The following LRRC4C variants were observed in gnomAD, a reference collection of about 807,000 sequenced individuals.
LRRC4C encodes the protein leucine-rich repeat-containing protein 4C.
LRRC4C carries 5 observed loss-of-function variants against 33.6 expected under a neutral mutation model. The observed-to-expected ratio is 0.15, with a 90% CI of 0.08 to 0.31. LRRC4C has a LOEUF of 0.31. Ranked by LOEUF, LRRC4C falls within the 10% of genes least tolerant of loss-of-function variation. The pLI is 1.00. For synonymous variants in LRRC4C, 329 were observed against 302.0 expected (o/e 1.09, Z -0.93); for missense variants, 560 against 796.7 (o/e 0.70, Z 3.58).
chr11:40,827,317 C>T (rs1360747931), intron 2 of LRRC4C, among the ~76,000 whole-genome samples: 1 of 151,826 alleles, frequency 6.6e-6, no homozygotes, highest in East Asian at 1.9e-4. Context: ...CAAAGACTGT[C>T]GCTGCCAAAG....
At chr11:40,281,033 T>A (rs1943437718) in intron 4 of LRRC4C, among the ~76,000 whole-genome samples, 1 of 152,054 alleles carries the variant, frequency 6.6e-6, no homozygotes, top group African/African-American at 2.4e-5. Flanking sequence ...TGGGGAGGAC[T>A]AAGGATGAAG....
chr11:40,638,095 T>C (rs1300193001), intron 3 of LRRC4C, among the ~76,000 whole-genome samples: 1 of 152,202 alleles, frequency 6.6e-6, no homozygotes, highest in Non-Finnish European at 1.5e-5. Flanking sequence ...TGCAATGCAC[T>C]CCCATGCAAG....
chr11:40,742,725 C>T (rs1045034040), intron 2 of LRRC4C, among the ~76,000 whole-genome samples: 5 of 151,924 alleles, frequency 3.3e-5, no homozygotes, highest in African/African-American at 1.2e-4. Context: ...CTGTCATTTT[C>T]TGTTCTACTT....
chr11:40,420,240 TCAC>T (rs1336770212), intron 3 of LRRC4C, among the ~76,000 whole-genome samples: 1 of 152,166 alleles, frequency 6.6e-6, no homozygotes, highest in Non-Finnish European at 1.5e-5. Flanking sequence ...CTGAAATCGA[TCAC>T]CACAATTGTA....
chr11:40,273,040 A>G (rs1590877616), intron 4 of LRRC4C, among the ~76,000 whole-genome samples: 1 of 152,256 alleles, frequency 6.6e-6, no homozygotes, highest in East Asian at 1.9e-4. Context: ...TTTGCAAAAT[A>G]AAAGTTTACT....
intron 1 of LRRC4C, among the ~76,000 whole-genome samples, chr11:41,301,611 G>A (rs1285695077): frequency 6.6e-6 from 1 of 152,140 alleles, no homozygotes; most frequent in Admixed American, 6.6e-5. Flanking sequence ...AGAAAGGCAT[G>A]TCTCTGGAAC....
chr11:40,685,553 A>C (rs2136359796), intron 2 of LRRC4C, among the ~76,000 whole-genome samples: 1 of 152,110 alleles, frequency 6.6e-6, no homozygotes, highest in Admixed American at 6.6e-5. Flanking sequence ...TAAAACACAC[A>C]GAATAATAAT....
intron 5 of LRRC4C, among the ~76,000 whole-genome samples, chr11:40,147,035 GT>G (rs1179041911): frequency 1.3e-5 from 2 of 152,118 alleles, no homozygotes; most frequent in African/African-American, 4.8e-5. Context: ...CTAGAAAATG[GT>G]TATGTCTAGA....
intron 1 of LRRC4C, among the ~76,000 whole-genome samples, chr11:40,984,410 A>T (rs1010630090): frequency 1.5e-4 from 13 of 85,166 alleles, no homozygotes; most frequent in Non-Finnish European, 3.3e-4. Flanking sequence ...AAAGAAAGAA[A>T]GAAAGAGAAA....
chr11:40,133,113 G>C (rs758031150), intron 6 of LRRC4C, among the ~76,000 whole-genome samples: 26 of 152,062 alleles, frequency 1.7e-4, no homozygotes, highest in Non-Finnish European at 2.9e-5. Flanking sequence ...TGCTTCCCAG[G>C]CTTCCTTTGG....
chr11:40,782,000 C>T (rs1950229894), intron 2 of LRRC4C, among the ~76,000 whole-genome samples: 1 of 152,162 alleles, frequency 6.6e-6, no homozygotes, highest in Non-Finnish European at 1.5e-5. Context: ...CTTTCTGCCC[C>T]CTTTAATGCA....
At chr11:40,436,164 G>T (rs1951130263) in intron 3 of LRRC4C, among the ~76,000 whole-genome samples, 1 of 152,094 alleles carries the variant, frequency 6.6e-6, no homozygotes, top group African/African-American at 2.4e-5. Context: ...CAAAATAAAT[G>T]GTTGCTATAG....
intron 2 of LRRC4C, among the ~76,000 whole-genome samples, chr11:40,839,538 G>A (rs982284413): frequency 2.6e-5 from 4 of 152,236 alleles, no homozygotes; most frequent in Admixed American, 6.5e-5. Flanking sequence ...GAGCCACCGC[G>A]CCTGGCCATC....
intron 2 of LRRC4C, among the ~76,000 whole-genome samples, chr11:40,858,682 G>A (rs906544327): frequency 5.9e-5 from 7 of 119,160 alleles, no homozygotes; most frequent in African/African-American, 1.4e-4. Context: ...AACAGAGTGA[G>A]ACTCCTTCTT....
At chr11:40,968,565 G>A (rs1250240990) in intron 1 of LRRC4C, among the ~76,000 whole-genome samples, 2 of 152,062 alleles carry the variant, frequency 1.3e-5, no homozygotes, top group Non-Finnish European at 2.9e-5. Context: ...CCTATTAGGG[G>A]CCAATAAAAC....
chr11:40,884,629 A>G (rs903965911), intron 2 of LRRC4C, among the ~76,000 whole-genome samples: 1 of 152,122 alleles, frequency 6.6e-6, no homozygotes, highest in African/African-American at 2.4e-5. Flanking sequence ...AGTTATTACT[A>G]TACAGTTATT....
chr11:41,153,969 G>C (rs1944113431), intron 1 of LRRC4C, among the ~76,000 whole-genome samples: 1 of 151,960 alleles, frequency 6.6e-6, no homozygotes. Context: ...AGGGGGATGT[G>C]GCCACAAGTC....
chr11:41,436,736 G>T (rs12419982), intron 1 of LRRC4C, among the ~76,000 whole-genome samples: 92,425 of 151,956 alleles, frequency 0.61, 28,445 homozygotes, highest in Middle Eastern at 0.68. Context: ...AAATCATTTT[G>T]CCTTGCAGAC....
chr11:40,580,847 T>A (rs532673882), intron 3 of LRRC4C, among the ~76,000 whole-genome samples: 20 of 152,360 alleles, frequency 1.3e-4, no homozygotes, highest in Admixed American at 3.9e-4. Flanking sequence ...AACCCTTGCC[T>A]ATCTATATTT....
Sources: gnomAD v4.1 joint callset for allele counts (sites outside exome capture counted in the v4.1 genomes callset) on GRCh38, gnomAD v4.1.1 for gene constraint, MANE v1.5 for transcripts, NCBI Gene and HGNC (gene_info 2026-07-23, HGNC 2026-07-21) for gene names.